The following STT3B variants were observed in gnomAD, a reference collection of about 807,000 sequenced individuals.
STT3B encodes dolichyl-diphosphooligosaccharide--protein glycosyltransferase subunit STT3B.
Under a neutral mutation model 96.8 loss-of-function variants are expected in STT3B, and 29 were observed. That is an observed-to-expected ratio of 0.30 (90% confidence interval 0.22 to 0.41). The LOEUF is 0.41. Among genes scored for constraint, STT3B ranks in the 10% least tolerant of loss-of-function variants. The probability of loss-of-function intolerance (pLI) is 1.00; values close to 1 mark genes in which losing one functional copy is unlikely to be tolerated. For missense variants in STT3B, 640 were observed against 1,022.3 expected (o/e 0.63, Z 5.10); for synonymous variants, 367 against 360.0 (o/e 1.02, Z -0.22).
At chr3:31,597,827 C>CATT (rs1037012971) in intron 4 of STT3B, among the ~76,000 whole-genome samples, 9 of 131,278 alleles carry the variant, frequency 6.9e-5, no homozygotes, top group Admixed American at 8.9e-5. Context: ...CATTTTATTT[C>CATT]ATTATTATTA....
At chr3:31,592,624 C>T (rs763089480) in intron 3 of STT3B, among the ~76,000 whole-genome samples, 16 of 152,088 alleles carry the variant, frequency 1.1e-4, no homozygotes, top group African/African-American at 3.9e-4. Flanking sequence ...TGATAGTAGT[C>T]ATCCTAATGG....
At chr3:31,602,228 T>G (rs1004043612) in intron 5 of STT3B, among the ~76,000 whole-genome samples, 3 of 152,130 alleles carry the variant, frequency 2.0e-5, no homozygotes, top group Non-Finnish European at 4.4e-5. Context: ...CATACACCTA[T>G]GTATTTCTCT....
At chr3:31,621,319 G>C (rs1335855007) in intron 9 of STT3B, among the ~76,000 whole-genome samples, 1 of 152,188 alleles carries the variant, frequency 6.6e-6, no homozygotes, top group Non-Finnish European at 1.5e-5. Context: ...GTTACTGACT[G>C]AGAAGAGGCA....
chr3:31,621,659 T>G (rs1015831853), intron 9 of STT3B, among the ~76,000 whole-genome samples: 1 of 152,222 alleles, frequency 6.6e-6, no homozygotes, highest in Non-Finnish European at 1.5e-5. Context: ...ATTAATAACT[T>G]ACGTTCTTCT....
At chr3:31,626,933 A>G (rs897569388) in intron 13 of STT3B, among the ~76,000 whole-genome samples, 1 of 152,086 alleles carries the variant, frequency 6.6e-6, no homozygotes, top group Non-Finnish European at 1.5e-5. Flanking sequence ...CTACTCTGCC[A>G]GTATGTTCTA....
intron 3 of STT3B, among the ~76,000 whole-genome samples, chr3:31,591,696 GTATGT>G (rs1211062265): frequency 6.6e-6 from 1 of 151,716 alleles, no homozygotes; most frequent in Non-Finnish European, 1.5e-5. Context: ...TTATATCTAT[GTATGT>G]TATCTACCTA....
At chr3:31,587,572 T>A (rs951955401) in intron 3 of STT3B, among the ~76,000 whole-genome samples, 1 of 152,082 alleles carries the variant, frequency 6.6e-6, no homozygotes, top group Non-Finnish European at 1.5e-5. Flanking sequence ...TCAAGGTTTG[T>A]CTATGTTGAA....
chr3:31,628,867 C>A (rs376294423), intron 13 of STT3B, among the ~76,000 whole-genome samples: 37 of 152,186 alleles, frequency 2.4e-4, no homozygotes, highest in African/African-American at 8.9e-4. Context: ...GTAATCCTAG[C>A]ATTTTGGGAG....
In STT3B at chr3:31,532,929, C is replaced by A; in HGVS notation, c.-70C>A. ...CTCCTCCTCCTCCTCCTCCGGGTCC[C>A]CGCCCAGCACCCCTCGCACCAGGCG... is the stretch of plus-strand genomic sequence containing the variant. On this transcript the variant is annotated 5_prime_UTR_variant, in exon 1 of 16. Coordinates refer to ENST00000295770, the MANE Select transcript of STT3B (RefSeq NM_178862.3). The A allele has an allele frequency of 6.7e-7, 1 of 1,497,708 alleles. No individual in the cohort carries two copies. Among genetic ancestry groups the A allele is most frequent in the East Asian group, 2.8e-5 (1 of 35,860 alleles). 92.8% of individuals were successfully genotyped at this position (1,497,708 alleles called of 1,614,324 possible).
chr3:31,599,285 C>T (rs1698870721), intron 4 of STT3B, among the ~76,000 whole-genome samples: 1 of 151,968 alleles, frequency 6.6e-6, no homozygotes, highest in Non-Finnish European at 1.5e-5. Flanking sequence ...TATGTGCATC[C>T]AAGTTATCTG....
chr3:31,622,424 G>C (rs146175720), intron 10 of STT3B, 116 bp downstream of exon 10: 129 of 903,834 alleles, frequency 1.4e-4, no homozygotes, highest in Middle Eastern at 9.9e-4. Flanking sequence ...GACAAACTGT[G>C]ACTTTTCTAG....
chr3:31,616,877 A>G, intron 6 of STT3B, 52 bp from the exon 7 acceptor site: 6 of 1,515,752 alleles, frequency 4.0e-6, no homozygotes, highest in Non-Finnish European at 4.5e-6. Context: ...AAAGTTTTTA[A>G]ATGACCTTGG....
chr3:31,632,138 G>A (rs1051824666), intron 14 of STT3B, among the ~76,000 whole-genome samples: 4 of 152,088 alleles, frequency 2.6e-5, no homozygotes, highest in African/African-American at 9.7e-5. Flanking sequence ...TTATAGGTGT[G>A]AGCCACCACA....
chr3:31,628,013 A>G (rs577129029), intron 13 of STT3B, among the ~76,000 whole-genome samples: 1 of 148,950 alleles, frequency 6.7e-6, no homozygotes, highest in South Asian at 2.1e-4. Flanking sequence ...ACCCCCCCTA[A>G]AAAAAAAAAA....
intron 1 of STT3B, among the ~76,000 whole-genome samples, chr3:31,566,708 T>C (rs1698016150): frequency 6.6e-6 from 1 of 152,224 alleles, no homozygotes. Flanking sequence ...TACAGCAATC[T>C]CTACCCCTTC....
In STT3B at chr3:31,533,271, C is replaced by T. The variant is rs748476477; in HGVS notation, c.273C>T (p.Ala91=). 4 of 1,529,816 alleles carry T rather than the reference C, an allele frequency of 2.6e-6. No individual in the cohort carries two copies. Among genetic ancestry groups the T allele is most frequent in the East Asian group, 2.8e-5 (1 of 35,874 alleles). 94.8% of individuals were successfully genotyped at this position (1,529,816 alleles called of 1,614,324 possible). Residue 91 remains alanine, a synonymous_variant, in exon 1 of 16, where the codon GCC becomes GCT. Transcript: ENST00000295770. ...CCGGCTTCAGCTCGCGCCTCTTCGC[C>T]GTCATCCGCTTCGAAAGCATCATCC... ...WLAGFSSRLF[A]VIRFESIIHE... is the part of the protein sequence containing the mutation.
chr3:31,590,147 T>C (rs559695621), intron 3 of STT3B, among the ~76,000 whole-genome samples: 27 of 152,182 alleles, frequency 1.8e-4, no homozygotes, highest in African/African-American at 6.5e-4. Context: ...AATATTTCTT[T>C]ATAAGTCTTT....
Position 31,576,408 on chromosome 3 carries a change from A to T in STT3B, c.327A>T (p.Arg109Ser). Residue 109 changes from arginine (R) to serine (S), a missense_variant, in exon 2 of 16, where the codon AGA becomes AGT. Transcript: ENST00000295770. The stretch of plus-strand genomic sequence containing the variant: ...CTCTTTTCTCTAGGTTTAACTATAG[A>T]TCAACACATCATCTTGCATCTCATG... ...IHEFDPWFNY[R>S]STHHLASHGF... is the part of the protein sequence containing the mutation. 6.3e-7 allele frequency: 1 copy of T among 1,591,502 alleles called. No homozygotes were observed. Among genetic ancestry groups the T allele is most frequent in the Non-Finnish European group, 8.6e-7 (1 of 1,167,038 alleles).
At chr3:31,579,345 T>G (rs1698329787) in intron 2 of STT3B, among the ~76,000 whole-genome samples, 1 of 151,782 alleles carries the variant, frequency 6.6e-6, no homozygotes, top group African/African-American at 2.4e-5. Context: ...TAAATATGAC[T>G]TAAATAATTT....
Sources: gnomAD v4.1 joint callset for allele counts (sites outside exome capture counted in the v4.1 genomes callset) on GRCh38, gnomAD v4.1.1 for gene constraint, MANE v1.5 for transcripts, NCBI Gene and HGNC (gene_info 2026-07-23, HGNC 2026-07-21) for gene names.